MBD5: variants seen among roughly 807,000 people sequenced by gnomAD.
MBD5 encodes methyl-CpG-binding domain protein 5.
A neutral mutation model predicts 117.3 loss-of-function variants in MBD5; 13 were observed. That is an observed-to-expected ratio of 0.11 (90% CI 0.07 to 0.18). The LOEUF (loss-of-function observed/expected upper bound fraction) is 0.18. Ranked by LOEUF, MBD5 falls within the 10% of genes least tolerant of loss-of-function variation. The probability of loss-of-function intolerance (pLI) is 1.00; values close to 1 mark genes in which losing one functional copy is unlikely to be tolerated. For synonymous variants in MBD5, 727 were observed against 766.4 expected, an observed-to-expected ratio of 0.95 and a Z score of 0.85; for missense variants, 1,879 against 2,093.8, an observed-to-expected ratio of 0.90 and a Z score of 2.00.
rs1369560402 is a variant in MBD5, at chr2:148,313,716, T to C, written c.-679-28498T>C. Among the ~76,000 whole-genome samples, 12 of 152,164 alleles carry C rather than the reference T, an allele frequency of 7.9e-5. 1 individual carries two copies. The highest frequency in any genetic ancestry group is 7.9e-4 in the Admixed American group (12 of 15,270). ...ACAAAATCTCCTGCAGCTAGCTCAGTGTCTACCCAAATGGCTGCCCCATTT... is the reference window on the plus strand; with the variant it reads ...ACAAAATCTCCTGCAGCTAGCTCAGCGTCTACCCAAATGGCTGCCCCATTT... On this transcript the variant is annotated intron_variant, in intron 3 of 13. Transcript: ENST00000642680.
chr2:148,491,630 G>T (rs773809583), intron 11 of MBD5, among the ~76,000 whole-genome samples: 1 of 151,936 alleles, frequency 6.6e-6, no homozygotes, highest in Non-Finnish European at 1.5e-5. Context: ...CAAATGACTA[G>T]GAGGTCCTAA....
rs1239182735 is a variant in MBD5 at position 148,489,475 on chromosome 2, A to C, written c.3843A>C (p.Thr1281=). The change falls in exon 11 of 14, where the codon ACA becomes ACC. Residue 1281 remains threonine, a synonymous_variant. Coordinates refer to ENST00000642680, the MANE Select transcript of MBD5 (RefSeq NM_001378120.1). The part of the protein sequence containing the change: ...LTALPENPNT[T]LPPFQDTPCE... The stretch of plus-strand genomic sequence containing the variant: ...CACTTCCTGAGAATCCAAACACTAC[A>C]CTTCCACCTTTTCAAGATACACCTT... 1.2e-6 allele frequency: 2 copies of C among 1,614,118 alleles called. No homozygotes were observed. Among genetic ancestry groups the C allele is most frequent in the Non-Finnish European group, 1.7e-6 (2 of 1,180,020 alleles).
At chr2:148,366,248 CA>C (rs1703692655) in intron 4 of MBD5, among the ~76,000 whole-genome samples, 1 of 151,916 alleles carries the variant, frequency 6.6e-6, no homozygotes, top group Admixed American at 6.6e-5. Flanking sequence ...TCAATAGATG[CA>C]AAAAAGGCCT....
chr2:148,397,714 C>CAT (rs1221217925), intron 4 of MBD5, among the ~76,000 whole-genome samples: 1 of 151,958 alleles, frequency 6.6e-6, no homozygotes, highest in Non-Finnish European at 1.5e-5. Context: ...AGGTTTGTTA[C>CAT]ATATATATAC....
intron 4 of MBD5, among the ~76,000 whole-genome samples, chr2:148,410,752 GATATTA>G (rs1705223841): frequency 6.6e-6 from 1 of 152,118 alleles, no homozygotes; most frequent in South Asian, 2.1e-4. Flanking sequence ...ACCTGGCCAG[GATATTA>G]ATATTTTGAC....
intron 4 of MBD5, among the ~76,000 whole-genome samples, chr2:148,361,966 C>T (rs756106181): frequency 6.6e-5 from 10 of 152,222 alleles, no homozygotes; most frequent in Non-Finnish European, 1.3e-4. Flanking sequence ...CCAGATACTA[C>T]GCTTTTCCCA....
At chr2:148,146,189 T>G (rs1372531582) in intron 1 of MBD5, among the ~76,000 whole-genome samples, 1 of 152,218 alleles carries the variant, frequency 6.6e-6, no homozygotes. Context: ...GCTTTTAATC[T>G]TATTACAGAT....
chr2:148,483,758 A>G lies in MBD5; in HGVS notation c.3167A>G (p.Asn1056Ser), dbSNP rs1239501488. Residue 1056 changes from asparagine to serine, a missense_variant, in exon 9 of 14, where the codon AAC (asparagine) becomes AGC (serine). Asn to Ser is a conservative substitution (Grantham distance 46, BLOSUM62 1). Around this residue, in one of 4 missense-constraint regions of MBD5, gnomAD observed 1,666 missense variants for 1,792.2 expected, o/e 0.93. Transcript: ENST00000642680. ...ACCCTTTTAACCAGCCCCCTGGGGA[A>G]CCCTTTACCAAGCTTTGCAGGCAGT... is the stretch of plus-strand genomic sequence containing the variant. Reference protein sequence around the residue: ...AETLLTSPLGNPLPSFAGSDT... With the variant: ...AETLLTSPLGSPLPSFAGSDT... 12 of 1,550,490 alleles carry G rather than the reference A, an allele frequency of 7.7e-6. No homozygotes were observed. The highest frequency in any genetic ancestry group is 1.0e-5 in the Non-Finnish European group (12 of 1,146,940).
At chr2:148,430,835 C>G (rs2105335847) in intron 4 of MBD5, among the ~76,000 whole-genome samples, 1 of 152,166 alleles carries the variant, frequency 6.6e-6, no homozygotes, top group South Asian at 2.1e-4. Flanking sequence ...TTAAGTATTA[C>G]TTTTGTAACA....
chr2:148,366,692 C>T (rs552585513), intron 4 of MBD5, among the ~76,000 whole-genome samples: 13 of 152,174 alleles, frequency 8.5e-5, no homozygotes, highest in Middle Eastern at 3.4e-3. Flanking sequence ...AATAAACAAG[C>T]GGAGAGCCAA....
chr2:148,249,039 A>G (rs900294645), intron 3 of MBD5, among the ~76,000 whole-genome samples: 1 of 152,144 alleles, frequency 6.6e-6, no homozygotes, highest in African/African-American at 2.4e-5. Context: ...ATGAAAAGCA[A>G]AACTATACAA....
intron 4 of MBD5, among the ~76,000 whole-genome samples, chr2:148,354,517 G>A (rs910262864): frequency 6.6e-6 from 1 of 152,198 alleles, no homozygotes; most frequent in Admixed American, 6.5e-5. Context: ...GTCTATCACT[G>A]ATGGACATTT....
At chr2:148,045,586 G>A (rs1694500451) in intron 1 of MBD5, among the ~76,000 whole-genome samples, 1 of 152,100 alleles carries the variant, frequency 6.6e-6, no homozygotes, top group Non-Finnish European at 1.5e-5. Context: ...TAAATTAAAG[G>A]TTCAGTTTAG....
In MBD5 at chr2:148,204,234, A is replaced by G. The variant is rs577040705; in HGVS notation, c.-831+25441A>G. ...AAAAAGGATTTATTTCAAATATGAA[A>G]TTGGAAGGAGCACAAGAAAGGCTAG... On this transcript the variant is annotated intron_variant, in intron 2 of 13. Transcript: ENST00000642680. Among the ~76,000 whole-genome samples the G allele has an allele frequency of 5.3e-5, 8 of 152,320 alleles. No individual in the cohort carries two copies. In the South Asian group the frequency reaches 1.4e-3, roughly 28 times the overall value.
chr2:148,335,183 G>A lies in MBD5; in HGVS notation c.-679-7031G>A, dbSNP rs778825357. 1.5e-4 allele frequency among the ~76,000 whole-genome samples: 23 copies of A among 152,210 alleles called. 1 individual carries two copies. Among genetic ancestry groups the A allele is most frequent in the African/African-American group, 5.1e-4 (21 of 41,536 alleles). On this transcript the variant is annotated intron_variant, in intron 3 of 13. Transcript: ENST00000642680. ...GCAGGCAGATCACTTGAGCTCAGGA[G>A]TTCAAGACAAGCCTGGGCAACAAAG...
intron 1 of MBD5, among the ~76,000 whole-genome samples, chr2:148,168,838 A>C (rs1158465356): frequency 6.6e-6 from 1 of 152,082 alleles, no homozygotes; most frequent in African/African-American, 2.4e-5. Flanking sequence ...TAAAGAGAAG[A>C]TAGCATAAAC....
chr2:148,446,077 T>G (rs540285904), intron 4 of MBD5, among the ~76,000 whole-genome samples: 1 of 151,214 alleles, frequency 6.6e-6, no homozygotes, highest in Non-Finnish European at 1.5e-5. Flanking sequence ...TCCCATTCTG[T>G]AGGTTGCCTG....
rs34659671 is a variant in MBD5 at position 148,224,509 on chromosome 2, A to ATTT, written c.-830-8707_-830-8705dup. 3.4e-4 allele frequency among the ~76,000 whole-genome samples: 20 copies of ATTT among 58,182 alleles called. 1 individual carries two copies. Among genetic ancestry groups the ATTT allele is most frequent in the East Asian group, 1.2e-3 (2 of 1,614 alleles). 38.2% of individuals were successfully genotyped at this position (58,182 alleles called of 152,430 possible). On this transcript the variant is annotated intron_variant, in intron 2 of 13. Coordinates refer to ENST00000642680, the MANE Select transcript of MBD5 (RefSeq NM_001378120.1). ...GGGTGCACGTTGCCACGCCTGGCTA[A>ATTT]TTTTTTTTTTTTTTTTTTTTTTTTT...
intron 1 of MBD5, among the ~76,000 whole-genome samples, chr2:148,123,437 T>C (rs1463147591): frequency 1.3e-5 from 2 of 152,182 alleles, no homozygotes; most frequent in African/African-American, 2.4e-5. Context: ...TTGGTGACTG[T>C]TGACTGACTT....
Sources: allele counts gnomAD v4.1 joint callset (sites outside exome capture counted in the v4.1 genomes callset), GRCh38; gene constraint gnomAD v4.1.1; regional missense constraint gnomAD v4.1.1; transcripts MANE v1.5; gene names NCBI Gene and HGNC (gene_info 2026-07-23, HGNC 2026-07-21).